GRIK1: variants seen among roughly 807,000 people sequenced by gnomAD.
GRIK1 encodes glutamate ionotropic receptor kainate type subunit 1, also known as glutamate receptor ionotropic, kainate 1.
Under a neutral mutation model 105.7 loss-of-function variants are expected in GRIK1, and 69 were observed. That is an observed-to-expected ratio of 0.65 (90% CI 0.54 to 0.80). The LOEUF (loss-of-function observed/expected upper bound fraction) is 0.80. GRIK1 is among the 30% of genes least tolerant of loss of function. GRIK1 has a pLI of 0.00. For missense variants in GRIK1, 1,109 were observed against 1,167.3 expected (o/e 0.95, Z 0.73); for synonymous variants, 438 against 431.3 (o/e 1.02, Z -0.19).
chr21:29,706,955 C>T (rs2063921514), intron 1 of GRIK1, among the ~76,000 whole-genome samples: 1 of 152,148 alleles, frequency 6.6e-6, no homozygotes, highest in Non-Finnish European at 1.5e-5. Context: ...AGCTCCGCCT[C>T]CCGGGTTCAC....
At chr21:29,901,337 C>CA (rs1359302541) in intron 1 of GRIK1, among the ~76,000 whole-genome samples, 2 of 152,024 alleles carry the variant, frequency 1.3e-5, no homozygotes, top group Non-Finnish European at 2.9e-5. Context: ...AAATACCCTT[C>CA]AAAAAATCAA....
At chr21:29,706,143 G>C (rs975925705) in intron 1 of GRIK1, among the ~76,000 whole-genome samples, 22 of 151,842 alleles carry the variant, frequency 1.4e-4, no homozygotes, top group African/African-American at 5.3e-4. Context: ...CAAAGCGCTG[G>C]GATTACAGGC....
chr21:29,716,225 T>C (rs1447286338), intron 1 of GRIK1, among the ~76,000 whole-genome samples: 1 of 152,108 alleles, frequency 6.6e-6, no homozygotes, highest in East Asian at 1.9e-4. Context: ...AAATTACCCA[T>C]CTCAGGTATT....
At chr21:29,724,532 G>A (rs934506785) in intron 1 of GRIK1, among the ~76,000 whole-genome samples, 1 of 152,208 alleles carries the variant, frequency 6.6e-6, no homozygotes, top group Non-Finnish European at 1.5e-5. Context: ...AGAACTGGGA[G>A]TCTTAAAGAG....
intron 1 of GRIK1, among the ~76,000 whole-genome samples, chr21:29,756,436 C>A (rs186174630): frequency 1.4e-3 from 208 of 152,252 alleles, no homozygotes; most frequent in African/African-American, 4.8e-3. Context: ...TCAGCTAATG[C>A]CACATGGTAA....
chr21:29,855,566 T>A (rs2068438134), intron 1 of GRIK1, among the ~76,000 whole-genome samples: 1 of 152,224 alleles, frequency 6.6e-6, no homozygotes, highest in Non-Finnish European at 1.5e-5. Context: ...GCCTTGTAGC[T>A]CATGATAAGG....
chr21:29,550,104 TC>T, intron 16 of GRIK1, among the ~76,000 whole-genome samples: 1 of 38,024 alleles, frequency 2.6e-5, no homozygotes, highest in Admixed American at 4.6e-4. Flanking sequence ...AAAGACTCCA[TC>T]TCAAAAAAAA....
rs1214974286 is a variant in GRIK1, at chr21:29,560,581, T to TC, written c.2356+1042_2356+1043insG. ...CTTTCTTTCTTTCTTTCTTTCTCTC[T>TC]TTCTTTCTTTCTCTCCTTCCTTCCT... On this transcript the variant is annotated intron_variant, in intron 15 of 17. Transcript: ENST00000327783. 4.2e-4 allele frequency among the ~76,000 whole-genome samples: 54 copies of TC among 128,046 alleles called. 1 individual carries two copies. The highest frequency in any genetic ancestry group is 1.5e-3 in the African/African-American group (51 of 34,166). 84.0% of individuals were successfully genotyped at this position (128,046 alleles called of 152,430 possible).
chr21:29,878,795 G>T (rs750907816), intron 1 of GRIK1, among the ~76,000 whole-genome samples: 12 of 152,050 alleles, frequency 7.9e-5, no homozygotes, highest in African/African-American at 2.9e-4. Context: ...CACCAAATCT[G>T]CCAGCACCTT....
At chr21:29,898,555 G>T (rs1045773744) in intron 1 of GRIK1, among the ~76,000 whole-genome samples, 5 of 152,136 alleles carry the variant, frequency 3.3e-5, no homozygotes, top group African/African-American at 1.2e-4. Flanking sequence ...TCTGGAAAAA[G>T]ATCTCCCCGT....
chr21:29,663,915 A>C (rs1467655418), intron 4 of GRIK1, among the ~76,000 whole-genome samples: 1 of 152,190 alleles, frequency 6.6e-6, no homozygotes, highest in Non-Finnish European at 1.5e-5. Flanking sequence ...AGAGAGATCA[A>C]TTATATTAGT....
At chr21:29,683,827 T>C (rs1229104258) in intron 3 of GRIK1, among the ~76,000 whole-genome samples, 1 of 152,194 alleles carries the variant, frequency 6.6e-6, no homozygotes, top group Non-Finnish European at 1.5e-5. Flanking sequence ...GCCTCCATGA[T>C]ATGAAATACT....
At chr21:29,901,801 C>G (rs2070420086) in intron 1 of GRIK1, among the ~76,000 whole-genome samples, 2 of 152,142 alleles carry the variant, frequency 1.3e-5, no homozygotes, top group South Asian at 4.1e-4. Flanking sequence ...TTTTATGAGG[C>G]CAGCATCATT....
intron 1 of GRIK1, among the ~76,000 whole-genome samples, chr21:29,705,186 T>G (rs2063881169): frequency 6.6e-6 from 1 of 152,218 alleles, no homozygotes; most frequent in Non-Finnish European, 1.5e-5. Context: ...ATATTGCTGT[T>G]AAAGATTAGA....
chr21:29,819,033 C>A (rs2067229146), intron 1 of GRIK1, among the ~76,000 whole-genome samples: 1 of 151,986 alleles, frequency 6.6e-6, no homozygotes, highest in Admixed American at 6.6e-5. Flanking sequence ...GTAATTTAAG[C>A]AGAAAAAGGT....
chr21:29,596,354 G>A (rs200901904), intron 9 of GRIK1, 172 bp downstream of exon 9: 3 of 733,088 alleles, frequency 4.1e-6, no homozygotes, highest in Non-Finnish European at 7.6e-6. Flanking sequence ...CACAGGTGAT[G>A]TTGTTGAGAG....
At chr21:29,544,522 C>T (rs145424268) in intron 16 of GRIK1, among the ~76,000 whole-genome samples, 2 of 152,288 alleles carry the variant, frequency 1.3e-5, no homozygotes, top group East Asian at 3.9e-4. Context: ...TCCTTTTTCT[C>T]ACTTTTCAAG....
rs2090223108 is a variant in GRIK1, at chr21:29,555,282, T to C, written c.2377A>G (p.Ile793Val). The change falls in exon 16 of 18, where the codon ATT (isoleucine) becomes GTT (valine). Residue 793 changes from isoleucine (I) to valine (V), a missense_variant. Physicochemically the swap from Ile to Val is conservative, Grantham distance 29 (BLOSUM62 3). Around this residue, in one of 5 missense-constraint regions of GRIK1, gnomAD observed 18 missense variants for 42.8 expected, o/e 0.42. Coordinates refer to ENST00000327783, the MANE Select transcript of GRIK1 (RefSeq NM_001330994.2). Reference sequence around the variant, plus strand: ...TGGAGTTGAAGAATAGCAATAGTAATTTTATCCCGGTAAGGAGAACCTGGA... The same window carrying C: ...TGGAGTTGAAGAATAGCAATAGTAACTTTATCCCGGTAAGGAGAACCTGGA... ...TPIGSPYRDK[I>V]TIAILQLQEE... 1 of 1,613,326 alleles carries C rather than the reference T, an allele frequency of 6.2e-7. No homozygotes were observed. Among genetic ancestry groups the C allele is most frequent in the Non-Finnish European group, 8.5e-7 (1 of 1,179,578 alleles).
chr21:29,692,665 C>G (rs1280655236), intron 2 of GRIK1, among the ~76,000 whole-genome samples: 1 of 152,198 alleles, frequency 6.6e-6, no homozygotes, highest in African/African-American at 2.4e-5. Flanking sequence ...GCTCTACTTC[C>G]CGGGTTCACA....
Sources: allele counts gnomAD v4.1 joint callset (sites outside exome capture counted in the v4.1 genomes callset), GRCh38; gene constraint gnomAD v4.1.1; regional missense constraint gnomAD v4.1.1; transcripts MANE v1.5; gene names NCBI Gene and HGNC (gene_info 2026-07-23, HGNC 2026-07-21).